BBS9: variants seen among roughly 807,000 people sequenced by gnomAD.
The protein encoded by BBS9 is Bardet-Biedl syndrome 9.
BBS9 carries 89 observed loss-of-function variants against 117.7 expected under a neutral mutation model. The ratio of observed to expected loss-of-function variants is 0.76; its 90% CI spans 0.64 to 0.90. The LOEUF (loss-of-function observed/expected upper bound fraction) is 0.90, where lower values mean the gene tolerates loss of function less well. BBS9 is among the 40% of genes least tolerant of loss of function. The pLI is 0.00. For missense variants in BBS9, 982 were observed against 1,042.2 expected (o/e 0.94, Z 0.80); for synonymous variants, 379 against 370.9 (o/e 1.02, Z -0.25).
At chr7:33,358,802 T>TA (rs1229554779) in intron 16 of BBS9, among the ~76,000 whole-genome samples, 1 of 151,970 alleles carries the variant, frequency 6.6e-6, no homozygotes, top group Non-Finnish European at 1.5e-5. Context: ...ACCTTTGCAT[T>TA]AGTGGATAAG....
chr7:33,387,506 GT>G (rs548492229), intron 18 of BBS9, among the ~76,000 whole-genome samples: 1 of 151,356 alleles, frequency 6.6e-6, no homozygotes, highest in Non-Finnish European at 1.5e-5. Context: ...AAATGTTTTT[GT>G]TTTTTTTAGT....
chr7:33,589,768 G>T (rs1211296782), intron 21 of BBS9, among the ~76,000 whole-genome samples: 3 of 152,056 alleles, frequency 2.0e-5, no homozygotes, highest in African/African-American at 7.2e-5. Context: ...TAAGTAAGAA[G>T]TTGGGTATGA....
intron 21 of BBS9, among the ~76,000 whole-genome samples, chr7:33,549,799 T>C (rs1267102161): frequency 6.6e-6 from 1 of 152,210 alleles, no homozygotes; most frequent in African/African-American, 2.4e-5. Context: ...CTGAACTCTG[T>C]ATAATTTTCA....
At chr7:33,332,040 CA>C (rs201862821) in intron 9 of BBS9, among the ~76,000 whole-genome samples, 1,569 of 152,150 alleles carry the variant, frequency 0.01, 21 homozygotes, top group African/African-American at 0.036. Context: ...TCACATTACC[CA>C]ACTTCAAATT....
chr7:33,266,632 G>GT (rs1328851132), intron 7 of BBS9, among the ~76,000 whole-genome samples: 1 of 151,988 alleles, frequency 6.6e-6, no homozygotes, highest in African/African-American at 2.4e-5. Context: ...ATCCTTATTA[G>GT]TTTTTTTACT....
At chr7:33,317,978 G>A (rs1584291352) in intron 9 of BBS9, among the ~76,000 whole-genome samples, 1 of 152,106 alleles carries the variant, frequency 6.6e-6, no homozygotes, top group Admixed American at 6.5e-5. Context: ...CTTGAACCCA[G>A]GAGGCAGAAG....
intron 19 of BBS9, among the ~76,000 whole-genome samples, chr7:33,445,871 T>C (rs1413871805): frequency 6.6e-6 from 1 of 152,172 alleles, no homozygotes; most frequent in Non-Finnish European, 1.5e-5. Context: ...AAGGTTTTGC[T>C]TCCCTTTCAC....
At chr7:33,156,533 T>C (rs1794115091) in intron 4 of BBS9, among the ~76,000 whole-genome samples, 1 of 152,220 alleles carries the variant, frequency 6.6e-6, no homozygotes, top group Admixed American at 6.5e-5. Context: ...TGCTTTCAAT[T>C]TGAGTAATGA....
chr7:33,300,126 A>G (rs923029687), intron 9 of BBS9, among the ~76,000 whole-genome samples: 1 of 152,138 alleles, frequency 6.6e-6, no homozygotes, highest in Non-Finnish European at 1.5e-5. Flanking sequence ...TGTAGCTATA[A>G]GAGAGGGCCA....
intron 17 of BBS9, among the ~76,000 whole-genome samples, chr7:33,382,186 G>A (rs1165646907): frequency 6.6e-6 from 1 of 152,146 alleles, no homozygotes; most frequent in African/African-American, 2.4e-5. Context: ...TCCTGACCCA[G>A]TGTGGCAGCT....
At chr7:33,454,723 T>G (rs975529349) in intron 19 of BBS9, among the ~76,000 whole-genome samples, 3 of 152,190 alleles carry the variant, frequency 2.0e-5, no homozygotes, top group African/African-American at 7.2e-5. Flanking sequence ...TGCTATATAG[T>G]GAGTCCTGGG....
chr7:33,633,308 T>TA (rs35247034), intron 21 of BBS9, among the ~76,000 whole-genome samples: 79,708 of 148,200 alleles, frequency 0.54, 26,172 homozygotes, highest in Non-Finnish European at 0.75. Flanking sequence ...AGAAAAGACT[T>TA]AAAAAAAAAA....
intron 10 of BBS9, among the ~76,000 whole-genome samples, chr7:33,337,959 TTTC>T: frequency 6.6e-6 from 1 of 152,072 alleles, no homozygotes. Flanking sequence ...GAATATGAAA[TTTC>T]TCAGAAAATC....
At chr7:33,535,145 GAC>G (rs1851181258) in intron 21 of BBS9, among the ~76,000 whole-genome samples, 1 of 152,180 alleles carries the variant, frequency 6.6e-6, no homozygotes, top group Non-Finnish European at 1.5e-5. Context: ...TGTGGAGACA[GAC>G]AGAACAATGC....
At chr7:33,481,340 G>C (rs1052687231) in intron 19 of BBS9, among the ~76,000 whole-genome samples, 8 of 152,138 alleles carry the variant, frequency 5.3e-5, no homozygotes, top group African/African-American at 1.9e-4. Context: ...AGATTGGGAA[G>C]ACATTGAATA....
At chr7:33,611,597 ATTAT>A (rs1325906950) in intron 21 of BBS9, among the ~76,000 whole-genome samples, 6 of 62,136 alleles carry the variant, frequency 9.7e-5, no homozygotes, top group South Asian at 1.1e-3. Flanking sequence ...ATATAATAAT[ATTAT>A]TTAATTAATT....
intron 19 of BBS9, among the ~76,000 whole-genome samples, chr7:33,394,945 T>TTTA (rs1342066510): frequency 6.6e-6 from 1 of 152,190 alleles, no homozygotes; most frequent in Admixed American, 6.5e-5. Context: ...GTTACACAGA[T>TTTA]ATTAAGCATT....
At chr7:33,485,989 G>A (rs1843060699) in intron 19 of BBS9, among the ~76,000 whole-genome samples, 1 of 152,148 alleles carries the variant, frequency 6.6e-6, no homozygotes, top group African/African-American at 2.4e-5. Context: ...GTGGGTTGAA[G>A]CCTGATTTCC....
At chr7:33,631,777 G>A (rs1009617941) in intron 21 of BBS9, among the ~76,000 whole-genome samples, 2 of 152,158 alleles carry the variant, frequency 1.3e-5, no homozygotes, top group Admixed American at 6.5e-5. Flanking sequence ...TTCTACAGAG[G>A]AACTCAACCT....
Sources: gnomAD v4.1 joint callset for allele counts (sites outside exome capture counted in the v4.1 genomes callset) on GRCh38, gnomAD v4.1.1 for gene constraint, MANE v1.5 for transcripts, NCBI Gene and HGNC (gene_info 2026-07-23, HGNC 2026-07-21) for gene names.